TMTC1: variants seen among roughly 807,000 people sequenced by gnomAD.
The protein encoded by TMTC1 is protein O-mannosyl-transferase TMTC1.
In TMTC1, 73 loss-of-function variants were observed where a neutral mutation model predicts 104.8. The ratio of observed to expected loss-of-function variants is 0.70; its 90% CI spans 0.58 to 0.85. The LOEUF (loss-of-function observed/expected upper bound fraction) is 0.85, where lower values mean the gene tolerates loss of function less well. Ranked by LOEUF, TMTC1 falls within the 40% of genes least tolerant of loss-of-function variation. The pLI is 0.00. For synonymous variants in TMTC1, 434 were observed against 428.7 expected (o/e 1.01, Z -0.15); for missense variants, 1,035 against 1,096.1 (o/e 0.94, Z 0.79).
intron 7 of TMTC1, among the ~76,000 whole-genome samples, chr12:29,597,999 C>G (rs188764516): frequency 2.9e-4 from 44 of 152,296 alleles, no homozygotes; most frequent in African/African-American, 9.9e-4. Context: ...AGTTTATCTC[C>G]AAACCAGTGA....
intron 7 of TMTC1, among the ~76,000 whole-genome samples, chr12:29,601,202 C>T (rs1946556028): frequency 6.6e-6 from 1 of 152,172 alleles, no homozygotes; most frequent in African/African-American, 2.4e-5. Flanking sequence ...CCGGAGCTGG[C>T]ATGATTCTGG....
chr12:29,719,801 G>A (rs1942185218), intron 5 of TMTC1, among the ~76,000 whole-genome samples: 1 of 152,142 alleles, frequency 6.6e-6, no homozygotes, highest in Non-Finnish European at 1.5e-5. Flanking sequence ...GAACTACTTA[G>A]CTCATCAGTA....
At chr12:29,536,042 T>C (rs555341764) in intron 11 of TMTC1, 167 bp downstream of exon 11, 167 of 608,988 alleles carry the variant, frequency 2.7e-4, no homozygotes, top group Non-Finnish European at 4.1e-4. Flanking sequence ...ACAGAGAATA[T>C]TGGAGTGAGA....
At chr12:29,625,172 G>A (rs1258906240) in intron 6 of TMTC1, among the ~76,000 whole-genome samples, 2 of 152,062 alleles carry the variant, frequency 1.3e-5, no homozygotes, top group African/African-American at 4.8e-5. Context: ...TTCATCTATT[G>A]TTTCTTTTTA....
intron 10 of TMTC1, among the ~76,000 whole-genome samples, chr12:29,546,157 T>C (rs1462301326): frequency 6.6e-6 from 1 of 152,178 alleles, no homozygotes; most frequent in Non-Finnish European, 1.5e-5. Flanking sequence ...TCTCCTCACG[T>C]GATTCTCAGT....
intron 2 of TMTC1, among the ~76,000 whole-genome samples, chr12:29,759,356 G>A (rs867226188): frequency 2.6e-5 from 4 of 152,024 alleles, no homozygotes; most frequent in South Asian, 4.2e-4. Flanking sequence ...AATTAGCCAC[G>A]CATGGTGGCA....
At chr12:29,529,933 C>T (rs1422996315) in intron 11 of TMTC1, 1 of 152,002 alleles carries the variant, frequency 6.6e-6, no homozygotes, top group African/African-American at 2.4e-5. Flanking sequence ...AGATGGAATG[C>T]CAAGAACAAT....
intron 8 of TMTC1, among the ~76,000 whole-genome samples, chr12:29,581,853 G>A (rs1253768947): frequency 6.6e-6 from 1 of 152,124 alleles, no homozygotes; most frequent in African/African-American, 2.4e-5. Context: ...AATGACCTTA[G>A]TTAGCATGAG....
chr12:29,638,083 G>T (rs1347547361), intron 5 of TMTC1, among the ~76,000 whole-genome samples: 1 of 152,114 alleles, frequency 6.6e-6, no homozygotes, highest in Non-Finnish European at 1.5e-5. Flanking sequence ...GGGTAGAGAA[G>T]GGCGGGGTCC....
chr12:29,593,574 G>C (rs1292575359), intron 7 of TMTC1, among the ~76,000 whole-genome samples: 1 of 152,174 alleles, frequency 6.6e-6, no homozygotes, highest in Non-Finnish European at 1.5e-5. Context: ...AAGATACACT[G>C]GTAGTATGTG....
rs1204204200 is a variant in TMTC1 at position 29,722,990 on chromosome 12, A to T, written c.938+28676T>A. Reference sequence around the variant, plus strand: ...AGAAAGTTTAGCAATGTTGCTAAATAAAAAAATTAAGACACAAAAATCAAT... The same window carrying T: ...AGAAAGTTTAGCAATGTTGCTAAATTAAAAAATTAAGACACAAAAATCAAT... On this transcript the variant is annotated intron_variant, in intron 5 of 17. Transcript: ENST00000539277. Among the ~76,000 whole-genome samples the T allele has an allele frequency of 2.0e-5, 3 of 151,804 alleles. No individual in the cohort carries two copies. The East Asian group carries it at 5.8e-4, about 29-fold the overall frequency.
chr12:29,580,026 G>C (rs1038985003), intron 8 of TMTC1, among the ~76,000 whole-genome samples: 17 of 152,114 alleles, frequency 1.1e-4, no homozygotes, highest in Non-Finnish European at 2.2e-4. Flanking sequence ...TGTGCTTTTT[G>C]TGTGTAAGGT....
At chr12:29,762,925 C>T (rs766406118) in intron 2 of TMTC1, among the ~76,000 whole-genome samples, 3 of 152,238 alleles carry the variant, frequency 2.0e-5, no homozygotes, top group Non-Finnish European at 4.4e-5. Context: ...TCAGCATCAC[C>T]TGCAAGTCTT....
intron 5 of TMTC1, among the ~76,000 whole-genome samples, chr12:29,667,197 C>G (rs1029893563): frequency 2.6e-5 from 4 of 152,146 alleles, no homozygotes; most frequent in African/African-American, 9.7e-5. Flanking sequence ...CATGAAGTGC[C>G]TCGTCTAAAC....
chr12:29,710,046 C>G (rs982373671), intron 5 of TMTC1, among the ~76,000 whole-genome samples: 9 of 151,580 alleles, frequency 5.9e-5, no homozygotes, highest in Non-Finnish European at 1.3e-4. Flanking sequence ...TGTTCTGATA[C>G]TGCTATACCC....
chr12:29,580,887 C>A (rs1384706238), intron 8 of TMTC1, among the ~76,000 whole-genome samples: 1 of 152,098 alleles, frequency 6.6e-6, no homozygotes, highest in Non-Finnish European at 1.5e-5. Context: ...ATTCCCAGCT[C>A]CTCTATGCAC....
chr12:29,643,980 T>C (rs1468415889), intron 5 of TMTC1, among the ~76,000 whole-genome samples: 5 of 113,970 alleles, frequency 4.4e-5, no homozygotes, highest in African/African-American at 1.7e-4. Context: ...TATAAATATA[T>C]ATAAATATAT....
chr12:29,761,557 T>C (rs1375147720), intron 2 of TMTC1, among the ~76,000 whole-genome samples: 1 of 147,728 alleles, frequency 6.8e-6, no homozygotes, highest in African/African-American at 2.5e-5. Context: ...TTCACACTAT[T>C]TTGCTACATA....
intron 2 of TMTC1, among the ~76,000 whole-genome samples, chr12:29,759,674 G>A (rs748989635): frequency 1.1e-4 from 16 of 152,080 alleles, no homozygotes; most frequent in African/African-American, 1.7e-4. Context: ...ATTTCCCCAC[G>A]AAAGAGAACA....
Sources: gnomAD v4.1 joint callset for allele counts (sites outside exome capture counted in the v4.1 genomes callset) on GRCh38, gnomAD v4.1.1 for gene constraint, MANE v1.5 for transcripts, NCBI Gene and HGNC (gene_info 2026-07-23, HGNC 2026-07-21) for gene names.